KIRREL3: variants seen among roughly 807,000 people sequenced by gnomAD.
KIRREL3 encodes the protein kirre like nephrin family adhesion molecule 3.
A neutral mutation model predicts 89.7 loss-of-function variants in KIRREL3; 36 were observed. The observed-to-expected ratio is 0.40, with a 90% CI of 0.31 to 0.53. The LOEUF is 0.53. Among genes scored for constraint, KIRREL3 ranks in the 20% least tolerant of loss-of-function variants. KIRREL3 has a pLI of 0.49. For synonymous variants in KIRREL3, 445 were observed against 441.4 expected (o/e 1.01, Z -0.10); for missense variants, 864 against 1,056.6 (o/e 0.82, Z 2.53).
rs1256793724 is a variant in KIRREL3 at position 126,471,994 on chromosome 11, C to T, written c.591+1315G>A. On this transcript the variant is annotated intron_variant, in intron 5 of 16. Coordinates refer to ENST00000525144, the MANE Select transcript of KIRREL3 (RefSeq NM_032531.4). The surrounding 1 kb of genome is among the most constrained non-coding windows in gnomAD (Gnocchi z 5.4). ...GATCATGGGCTGGATTTCAGCCCTC[C>T]CTGGCCCCTGAGCCAGGCACCTTGG... 6.6e-6 allele frequency among the ~76,000 whole-genome samples: 1 copy of T among 152,172 alleles called. No homozygotes were observed. The highest frequency in any genetic ancestry group is 2.4e-5 in the African/African-American group (1 of 41,438).
At chr11:126,533,147 A>G (rs1295027286) in intron 2 of KIRREL3, among the ~76,000 whole-genome samples, 3 of 152,126 alleles carry the variant, frequency 2.0e-5, no homozygotes, top group Non-Finnish European at 4.4e-5. Flanking sequence ...CATATAATAA[A>G]AGCTTTACCT....
At position 126,676,397 on chromosome 11, in the gene KIRREL3, C is replaced by CT. The variant is rs1946189040; in HGVS notation, c.56-113486_56-113485insA. 6.6e-6 allele frequency among the ~76,000 whole-genome samples: 1 copy of CT among 152,178 alleles called. No individual in the cohort carries two copies. The highest frequency in any genetic ancestry group is 1.5e-5 in the Non-Finnish European group (1 of 68,032). Reference sequence around the variant, plus strand: ...ATCTCAGTTCAGGCTAGAATTCTCTCCTACCCTGGGGCCTCTCTAGTCCCC... The same window carrying CT: ...ATCTCAGTTCAGGCTAGAATTCTCTCTCTACCCTGGGGCCTCTCTAGTCCCC... On this transcript the variant is annotated intron_variant, in intron 1 of 16. Coordinates refer to ENST00000525144, the MANE Select transcript of KIRREL3 (RefSeq NM_032531.4). This position sits in a 1 kb window ranked among gnomAD's most constrained non-coding sequence, Gnocchi z 4.5.
Position 126,717,289 on chromosome 11 carries a change from C to T in KIRREL3, c.56-154377G>A, listed in dbSNP as rs563079757. ...TGGATATGCTAACAATAACAGCTCC[C>T]GTCCAAGGCTGTCATGTTATTTAAT... On this transcript the variant is annotated intron_variant, in intron 1 of 16. Coordinates refer to ENST00000525144, the MANE Select transcript of KIRREL3 (RefSeq NM_032531.4). 8.5e-5 allele frequency among the ~76,000 whole-genome samples: 13 copies of T among 152,248 alleles called. 1 individual carries two copies. Among genetic ancestry groups the T allele is most frequent in the Middle Eastern group, 3.4e-3 (1 of 294 alleles).
intron 16 of KIRREL3, among the ~76,000 whole-genome samples, 165 bp from the exon 17 acceptor site, chr11:126,425,188 AAGGTGCAGGGGAAGAAGGACACTGAAC>A (rs1954893887): frequency 1.3e-5 from 2 of 152,204 alleles, no homozygotes; most frequent in South Asian, 4.2e-4. Flanking sequence ...AGCTGCAGGG[AAGGTGCAGGGGAAGAAGGACACTGAAC>A]AGGAGATGGC....
intron 6 of KIRREL3, among the ~76,000 whole-genome samples, chr11:126,460,950 G>A (rs1328260240): frequency 6.6e-6 from 1 of 152,214 alleles, no homozygotes; most frequent in Non-Finnish European, 1.5e-5. Context: ...GGGAAGAAGC[G>A]AGGGTGGTGG....
chr11:126,584,832 C>A (rs1233186394), intron 1 of KIRREL3, among the ~76,000 whole-genome samples: 1 of 152,192 alleles, frequency 6.6e-6, no homozygotes, highest in Non-Finnish European at 1.5e-5. Flanking sequence ...CTCAATAATA[C>A]CAGATATCAG....
In KIRREL3 at chr11:126,995,204, C is replaced by T. The variant is rs762065647; in HGVS notation, c.55+5251G>A. ...AGCCCCCCAGAGCAGCTGCTCCCAC[C>T]GACCCTGCTCCAAGAGTGCTGGGAT... On this transcript the variant is annotated intron_variant, in intron 1 of 16. Transcript: ENST00000525144. This position sits in a 1 kb window ranked among gnomAD's most constrained non-coding sequence, Gnocchi z 6.5. The T allele has an allele frequency of 1.8e-5, 8 of 456,048 alleles. No homozygotes were observed. Among genetic ancestry groups the T allele is most frequent in the South Asian group, 6.2e-5 (4 of 64,566 alleles). 28.3% of individuals were successfully genotyped at this position (456,048 alleles called of 1,614,324 possible). A position where few individuals can be genotyped will look rare whatever the true frequency, so the allele number is the denominator to read the frequency against.
rs1939438077 is a variant in KIRREL3, at chr11:126,553,381, C to T, written c.133+9454G>A. On this transcript the variant is annotated intron_variant, in intron 2 of 16. Coordinates refer to ENST00000525144, the MANE Select transcript of KIRREL3 (RefSeq NM_032531.4). This position sits in a 1 kb window ranked among gnomAD's most constrained non-coding sequence, Gnocchi z 4.7. ...ATTTGTAGACCCGCAGCACCAGTCT[C>T]ACTTGCTAGCTGTGTTTAGAGCCTT... is the stretch of plus-strand genomic sequence containing the variant. Among the ~76,000 whole-genome samples, 1 of 152,206 alleles carries T rather than the reference C, an allele frequency of 6.6e-6. No homozygotes were observed. Among genetic ancestry groups the T allele is most frequent in the Non-Finnish European group, 1.5e-5 (1 of 68,032 alleles).
intron 1 of KIRREL3, among the ~76,000 whole-genome samples, chr11:126,618,201 G>A (rs1943432819): frequency 6.6e-6 from 1 of 152,102 alleles, no homozygotes; most frequent in Non-Finnish European, 1.5e-5. Flanking sequence ...TAAGTTTCCT[G>A]AGGCCTCAGC....
At chr11:126,916,915 C>T (rs1177295096) in intron 1 of KIRREL3, among the ~76,000 whole-genome samples, 1 of 152,184 alleles carries the variant, frequency 6.6e-6, no homozygotes, top group East Asian at 1.9e-4. Context: ...CAAAAGGGGA[C>T]AGGATGTCCC....
intron 1 of KIRREL3, among the ~76,000 whole-genome samples, chr11:126,662,906 C>CTTTT (rs756193928): frequency 0.024 from 2,188 of 91,364 alleles, 58 homozygotes; most frequent in Non-Finnish European, 0.034. Context: ...AAAGTCCTTT[C>CTTTT]TTTTTTTTTT....
At chr11:126,660,756 G>A (rs536161721) in intron 1 of KIRREL3, among the ~76,000 whole-genome samples, 94 of 152,312 alleles carry the variant, frequency 6.2e-4, no homozygotes, top group Middle Eastern at 3.4e-3. Flanking sequence ...AACATGCACT[G>A]ACTCTGAGAA....
chr11:126,609,743 G>A lies in KIRREL3; in HGVS notation c.56-46831C>T, dbSNP rs1943044987. On this transcript the variant is annotated intron_variant, in intron 1 of 16. Transcript: ENST00000525144. The surrounding 1 kb of genome is among the most constrained non-coding windows in gnomAD (Gnocchi z 5.0). ...AGATTCCAGATTAATCGGTATGGGG[G>A]TGTGGCTACAAGGTTTCAGAGCTCC... is the stretch of plus-strand genomic sequence containing the variant. 6.6e-6 allele frequency among the ~76,000 whole-genome samples: 1 copy of A among 152,152 alleles called. No homozygotes were observed. Among genetic ancestry groups the A allele is most frequent in the Non-Finnish European group, 1.5e-5 (1 of 68,028 alleles).
rs1939840739 is a variant in KIRREL3, at chr11:126,558,135, A to G, written c.133+4700T>C. Reference sequence around the variant, plus strand: ...GTGAGGGAGGAGTACCCTCCTGTGCAGGCCCCCCTCTGCCCCAAGGGGATG... The same window carrying G: ...GTGAGGGAGGAGTACCCTCCTGTGCGGGCCCCCCTCTGCCCCAAGGGGATG... On this transcript the variant is annotated intron_variant, in intron 2 of 16. Coordinates refer to ENST00000525144, the MANE Select transcript of KIRREL3 (RefSeq NM_032531.4). This position sits in a 1 kb window ranked among gnomAD's most constrained non-coding sequence, Gnocchi z 4.0. Among the ~76,000 whole-genome samples, 1 of 152,176 alleles carries G rather than the reference A, an allele frequency of 6.6e-6. No homozygotes were observed. Among genetic ancestry groups the G allele is most frequent in the Admixed American group, 6.5e-5 (1 of 15,280 alleles).
rs1306122158 is a variant in KIRREL3 at position 126,615,888 on chromosome 11, T to C, written c.56-52976A>G. Among the ~76,000 whole-genome samples, 1 of 152,188 alleles carries C rather than the reference T, an allele frequency of 6.6e-6. No individual in the cohort carries two copies. The highest frequency in any genetic ancestry group is 2.4e-5 in the African/African-American group (1 of 41,442). On this transcript the variant is annotated intron_variant, in intron 1 of 16. Transcript: ENST00000525144. This position sits in a 1 kb window ranked among gnomAD's most constrained non-coding sequence, Gnocchi z 5.4. ...TTGCCTGCATTAAGCCTTTTGGTCATATGTCTGGGGAGCAGACTTCTTTGT... is the reference window on the plus strand; with the variant it reads ...TTGCCTGCATTAAGCCTTTTGGTCACATGTCTGGGGAGCAGACTTCTTTGT...
chr11:126,787,995 C>T (rs533517886), intron 1 of KIRREL3, among the ~76,000 whole-genome samples: 1 of 152,326 alleles, frequency 6.6e-6, no homozygotes, highest in African/African-American at 2.4e-5. Context: ...ATCATCACCC[C>T]CATTTTACAG....
intron 1 of KIRREL3, among the ~76,000 whole-genome samples, chr11:126,803,175 A>C (rs962902334): frequency 7.9e-5 from 12 of 152,320 alleles, no homozygotes; most frequent in African/African-American, 2.6e-4. Context: ...ATGCTCCAGC[A>C]GTGGCAGGCT....
At chr11:126,758,650 A>G (rs2134262538) in intron 1 of KIRREL3, among the ~76,000 whole-genome samples, 1 of 152,250 alleles carries the variant, frequency 6.6e-6, no homozygotes, top group East Asian at 1.9e-4. Context: ...CATTGCCCCA[A>G]AATGCTAATC....
chr11:126,436,581 T>C (rs1194571451), intron 12 of KIRREL3, among the ~76,000 whole-genome samples: 1 of 152,238 alleles, frequency 6.6e-6, no homozygotes, highest in Non-Finnish European at 1.5e-5. Flanking sequence ...CCCTCTGAGC[T>C]GTGTTCTTCC....
Sources: allele counts gnomAD v4.1 joint callset (sites outside exome capture counted in the v4.1 genomes callset), GRCh38; gene constraint gnomAD v4.1.1; non-coding constraint Gnocchi (gnomAD v3.1); transcripts MANE v1.5; gene names NCBI Gene and HGNC (gene_info 2026-07-23, HGNC 2026-07-21).